The following ANKRD13A variants were observed in gnomAD, a reference collection of about 807,000 sequenced individuals.
ANKRD13A encodes the protein ankyrin repeat domain-containing protein 13A.
Under a neutral mutation model 81.3 loss-of-function variants are expected in ANKRD13A, and 48 were observed. The ratio of observed to expected loss-of-function variants is 0.59; its 90% CI spans 0.47 to 0.75. The LOEUF is 0.75. Ranked by LOEUF, ANKRD13A falls within the 30% of genes least tolerant of loss-of-function variation. The probability of loss-of-function intolerance (pLI) is 0.00; values close to 1 mark genes in which losing one functional copy is unlikely to be tolerated. For synonymous variants in ANKRD13A, 230 were observed against 270.1 expected (o/e 0.85, Z 1.45); for missense variants, 612 against 734.0 (o/e 0.83, Z 1.92).
rs1890901037 is a variant in ANKRD13A at position 110,018,438 on chromosome 12, A to G, written c.494A>G (p.Glu165Gly). 6.2e-7 allele frequency: 1 copy of G among 1,614,186 alleles called. No individual in the cohort carries two copies. The highest frequency in any genetic ancestry group is 8.5e-7 in the Non-Finnish European group (1 of 1,180,030). ...GTCGATATCACATTGCTGGGATTTG[A>G]AAACATGAGCTGGATAAGAGGGAGG... ...LRVDITLLGF[E>G]NMSWIRGRRS... The change falls in exon 5 of 15, where the codon GAA becomes GGA. Residue 165 changes from glutamate (E) to glycine (G), a missense_variant. By Grantham distance (98) the Glu-to-Gly change is moderately conservative (BLOSUM62 -2). Transcript: ENST00000261739. This position sits in a 1 kb window ranked among gnomAD's most constrained non-coding sequence, Gnocchi z 4.4.
chr12:110,007,558 T>G (rs1338184816), intron 1 of ANKRD13A, among the ~76,000 whole-genome samples: 1 of 152,118 alleles, frequency 6.6e-6, no homozygotes, highest in Non-Finnish European at 1.5e-5. Context: ...TTTTGTATTT[T>G]TAGTAGAGGT....
At chr12:110,022,960 C>T (rs1891150883) in intron 6 of ANKRD13A, among the ~76,000 whole-genome samples, 2 of 152,220 alleles carry the variant, frequency 1.3e-5, no homozygotes, top group African/African-American at 2.4e-5. Flanking sequence ...AAAATAGACA[C>T]ATAAACTCAT....
chr12:110,031,529 T>C lies in ANKRD13A; in HGVS notation c.1348+771T>C, dbSNP rs557241626. 6.6e-5 allele frequency among the ~76,000 whole-genome samples: 10 copies of C among 152,266 alleles called. No homozygotes were observed. The South Asian group carries it at 2.1e-3, about 32-fold the overall frequency. ...CCATGCCTGGCTGATTTTTGTATTT[T>C]TATTAGAGACTGGGTTTCACCATGT... On this transcript the variant is annotated intron_variant, in intron 12 of 14. Transcript: ENST00000261739.
At chr12:110,009,574 A>G (rs1338730967) in intron 1 of ANKRD13A, among the ~76,000 whole-genome samples, 1 of 151,934 alleles carries the variant, frequency 6.6e-6, no homozygotes, top group Non-Finnish European at 1.5e-5. Context: ...TCTCTTCTCT[A>G]TTTTACTCAT....
chr12:110,019,222 C>T lies in ANKRD13A; in HGVS notation c.628C>T (p.Arg210Cys), dbSNP rs763255679. The T allele has an allele frequency of 6.2e-6, 10 of 1,613,860 alleles. No homozygotes were observed. Among genetic ancestry groups the T allele is most frequent in the East Asian group, 4.5e-5 (2 of 44,896 alleles). ...ERFDLSQEME[R>C]LTLDLMKPKS... ...CTTCGACCTTTCCCAAGAAATGGAGCGCCTCACTCTGGACTTGATGAAGCC... is the reference window on the plus strand; with the variant it reads ...CTTCGACCTTTCCCAAGAAATGGAGTGCCTCACTCTGGACTTGATGAAGCC... The change falls in exon 6 of 15, where the codon CGC becomes TGC. Residue 210 changes from arginine (R) to cysteine (C), a missense_variant. Physicochemically the swap from Arg to Cys is radical, Grantham distance 180. Transcript: ENST00000261739.
rs762295453 is a variant in ANKRD13A, at chr12:110,024,104, G to A, written c.793G>A (p.Glu265Lys). Residue 265 changes from glutamate (E) to lysine (K), a missense_variant, in exon 7 of 15, where the codon GAA becomes AAA. Physicochemically the swap from Glu to Lys is moderately conservative, Grantham distance 56 (BLOSUM62 1). Transcript: ENST00000261739. ...TAAAGCAGAAGTTGTTAATGGTTAC[G>A]AAGCAAAGGTAAAAGGAAACTCTTA... is the stretch of plus-strand genomic sequence containing the variant. ...TDKAEVVNGY[E>K]AKVYTVNNVN... 3.1e-6 allele frequency: 5 copies of A among 1,605,518 alleles called. No homozygotes were observed. The highest frequency in any genetic ancestry group is 1.8e-5 in the Admixed American group (1 of 57,100).
rs530987936 is a variant in ANKRD13A at position 110,013,171 on chromosome 12, A to C, written c.276A>C (p.Thr92=). 2 of 1,614,190 alleles carry C rather than the reference A, an allele frequency of 1.2e-6. No homozygotes were observed. Among genetic ancestry groups the C allele is most frequent in the East Asian group, 2.2e-5 (1 of 44,882 alleles). The change falls in exon 3 of 15, where the codon ACA becomes ACC. Residue 92 remains threonine, a synonymous_variant. Transcript: ENST00000261739. The part of the protein sequence containing the change: ...VSTGDPEMVY[T]VLQHRDYHNT... ...CTGGCGATCCTGAGATGGTGTACAC[A>C]GTTCTCCAACATCGAGACTACCACA...
intron 3 of ANKRD13A, among the ~76,000 whole-genome samples, chr12:110,015,998 C>G (rs1190097530): frequency 1.3e-5 from 2 of 148,964 alleles, no homozygotes; most frequent in African/African-American, 2.5e-5. Context: ...GTTGCCCAGG[C>G]TGGAGTGCAG....
At chr12:110,023,808 A>G in intron 6 of ANKRD13A, 1 of 428,818 alleles carries the variant, frequency 2.3e-6, no homozygotes, top group Non-Finnish European at 4.2e-6. Flanking sequence ...TAAAGAAGCC[A>G]AGATTGGAGG....
chr12:110,021,101 C>T (rs776590546), intron 6 of ANKRD13A: 1 of 456,292 alleles, frequency 2.2e-6, no homozygotes, highest in South Asian at 1.5e-5. Flanking sequence ...TATTTTTGTG[C>T]CCACAGGGTT....
At chr12:110,032,457 G>T (rs1463645180) in intron 12 of ANKRD13A, 1 of 152,192 alleles carries the variant, frequency 6.6e-6, no homozygotes, top group Non-Finnish European at 1.5e-5. Context: ...CAACAAAGTT[G>T]GGTGAGATGT....
chr12:110,034,027 G>A, intron 13 of ANKRD13A, 70 bp downstream of exon 13: 6 of 1,394,970 alleles, frequency 4.3e-6, no homozygotes, highest in Non-Finnish European at 5.7e-6. Context: ...CTCAGTGTTT[G>A]GCTAATCTGA....
In ANKRD13A at chr12:110,033,820, G is replaced by T; in HGVS notation, c.1372G>T (p.Val458Phe). 6.2e-7 allele frequency: 1 copy of T among 1,607,280 alleles called. No individual in the cohort carries two copies. The highest frequency in any genetic ancestry group is 1.1e-5 in the South Asian group (1 of 89,930). Residue 458 changes from valine (V) to phenylalanine (F), a missense_variant, in exon 13 of 15, where the codon GTT (valine) becomes TTT (phenylalanine). Val to Phe is a conservative substitution (Grantham distance 50). Coordinates refer to ENST00000261739, the MANE Select transcript of ANKRD13A (RefSeq NM_033121.2). ...DSASHITNFE[V>F]DQSVFEIPES... ...AGCTTCCCACATCACAAACTTTGAGGTTGATCAATCTGTGTTTGAAATTCC... is the reference window on the plus strand; with the variant it reads ...AGCTTCCCACATCACAAACTTTGAGTTTGATCAATCTGTGTTTGAAATTCC...
At chr12:110,003,481 C>T (rs1380417423) in intron 1 of ANKRD13A, among the ~76,000 whole-genome samples, 1 of 152,182 alleles carries the variant, frequency 6.6e-6, no homozygotes, top group Non-Finnish European at 1.5e-5. Flanking sequence ...TTCCTGTTTC[C>T]ACTGACTCAG....
At position 110,037,674 on chromosome 12, in the gene ANKRD13A, G is replaced by A. The variant is rs1892147599; in HGVS notation, c.*120G>A. 1 of 1,023,958 alleles carries A rather than the reference G, an allele frequency of 9.8e-7. No individual in the cohort carries two copies. Among genetic ancestry groups the A allele is most frequent in the Non-Finnish European group, 1.4e-6 (1 of 719,702 alleles). The allele number at this position is 1,023,958 out of a possible 1,614,324, so 63.4% of individuals were successfully genotyped here. A position where few individuals can be genotyped will look rare whatever the true frequency, so the allele number is the denominator to read the frequency against. The stretch of plus-strand genomic sequence containing the variant: ...TGCGTGCATGCAGCAGGCAACAACT[G>A]CCCCTTCTTTATGCAGAGGTGCAGA... On this transcript the variant is annotated 3_prime_UTR_variant, in exon 15 of 15. Transcript: ENST00000261739.
chr12:110,033,220 A>ATTT (rs549997034), intron 12 of ANKRD13A, among the ~76,000 whole-genome samples: 3 of 138,654 alleles, frequency 2.2e-5, no homozygotes, highest in African/African-American at 8.0e-5. Flanking sequence ...CGCCCGGCTA[A>ATTT]TTTTTTTTTT....
rs191072410 is a variant in ANKRD13A at position 110,018,223 on chromosome 12, G to A, written c.401-122G>A. On this transcript the variant is annotated intron_variant, in intron 4 of 14. Transcript: ENST00000261739. The surrounding 1 kb of genome is among the most constrained non-coding windows in gnomAD (Gnocchi z 4.4). ...GGTAAATATGAAAGCCAAGAAGTCC[G>A]TTGTTTGATGGTCACCATCTTGCCA... The A allele has an allele frequency of 1.2e-5, 12 of 1,010,100 alleles. No homozygotes were observed. The highest frequency in any genetic ancestry group is 3.3e-5 in the African/African-American group (2 of 60,794). 62.6% of individuals were successfully genotyped at this position (1,010,100 alleles called of 1,614,324 possible).
In ANKRD13A at chr12:109,999,631, C is replaced by T; in HGVS notation, c.-58C>T. On this transcript the variant is annotated 5_prime_UTR_variant, in exon 1 of 15. Coordinates refer to ENST00000261739, the MANE Select transcript of ANKRD13A (RefSeq NM_033121.2). This position sits in a 1 kb window ranked among gnomAD's most constrained non-coding sequence, Gnocchi z 4.3. ...AGGGCAGGCAGGCGGGCGCGGGAGA[C>T]CCCGCCGGGGCCGAGACTTGGGGCG... 7.1e-7 allele frequency: 1 copy of T among 1,412,854 alleles called. No homozygotes were observed. The highest frequency in any genetic ancestry group is 1.3e-5 in the South Asian group (1 of 74,768). The allele number at this position is 1,412,854 out of a possible 1,614,324, so 87.5% of individuals were successfully genotyped here.
At chr12:110,013,359 G>A in intron 3 of ANKRD13A, 110 bp downstream of exon 3, 4 of 1,351,036 alleles carry the variant, frequency 3.0e-6, no homozygotes, top group Non-Finnish European at 4.1e-6. Flanking sequence ...TCTGATTCGT[G>A]AATATGAAAT....
Sources: gnomAD v4.1 joint callset for allele counts (sites outside exome capture counted in the v4.1 genomes callset) on GRCh38, gnomAD v4.1.1 for gene constraint, Gnocchi (gnomAD v3.1) non-coding constraint, MANE v1.5 for transcripts, NCBI Gene and HGNC (gene_info 2026-07-23, HGNC 2026-07-21) for gene names.